Variants in ZNF385B observed in about 807,000 individuals in gnomAD.
The protein encoded by ZNF385B is zinc finger protein 533.
A neutral mutation model predicts 39.2 loss-of-function variants in ZNF385B; 23 were observed. The ratio of observed to expected loss-of-function variants is 0.59; its 90% CI spans 0.42 to 0.83. The LOEUF (loss-of-function observed/expected upper bound fraction) is 0.83, where lower values mean the gene tolerates loss of function less well. Ranked by LOEUF, ZNF385B falls within the 40% of genes least tolerant of loss-of-function variation. ZNF385B has a pLI of 0.00. For missense variants in ZNF385B, 552 were observed against 598.9 expected (o/e 0.92, Z 0.82); for synonymous variants, 205 against 222.6 (o/e 0.92, Z 0.70).
At chr2:179,783,437 C>A (rs545257823) in intron 1 of ZNF385B, among the ~76,000 whole-genome samples, 1 of 152,214 alleles carries the variant, frequency 6.6e-6, no homozygotes, top group South Asian at 2.1e-4. Context: ...GATTTCATGA[C>A]AATGACATCA....
intron 3 of ZNF385B, among the ~76,000 whole-genome samples, chr2:179,687,385 G>C (rs1256689320): frequency 6.6e-6 from 1 of 151,924 alleles, no homozygotes; most frequent in Non-Finnish European, 1.5e-5. Context: ...TGCTATTTCT[G>C]ATTCTCTTCA....
intron 1 of ZNF385B, among the ~76,000 whole-genome samples, chr2:179,798,495 C>G (rs530506149): frequency 1.3e-5 from 2 of 152,174 alleles, no homozygotes; most frequent in South Asian, 4.2e-4. Flanking sequence ...AGTTTTCTAT[C>G]AACCTCATTC....
rs1691438321 is a variant in ZNF385B at position 179,633,505 on chromosome 2, C to A, written c.299-88536G>T. Among the ~76,000 whole-genome samples the A allele has an allele frequency of 2.6e-5, 4 of 152,136 alleles. No homozygotes were observed. In the South Asian group the frequency reaches 8.3e-4, roughly 32 times the overall value. On this transcript the variant is annotated intron_variant, in intron 3 of 9. Transcript: ENST00000410066. ...AGGCCTTCAACAAAATTCAGCAGAC[C>A]TTCATGCTAAAAACTCTCAATAAAT... is the stretch of plus-strand genomic sequence containing the variant.
At position 179,605,250 on chromosome 2, in the gene ZNF385B, T is replaced by C. The variant is rs578152313; in HGVS notation, c.299-60281A>G. On this transcript the variant is annotated intron_variant, in intron 3 of 9. Coordinates refer to ENST00000410066, the MANE Select transcript of ZNF385B (RefSeq NM_152520.6). ...ATTCACTAGAAACATGATTTTTTTT[T>C]CAGTAAGATTTACTTTCTGATTAAA... 7.9e-5 allele frequency among the ~76,000 whole-genome samples: 12 copies of C among 152,282 alleles called. 1 individual carries two copies. In the South Asian group the frequency reaches 2.5e-3, roughly 32 times the overall value.
At chr2:179,800,088 T>C (rs1413880666) in intron 1 of ZNF385B, among the ~76,000 whole-genome samples, 1 of 152,108 alleles carries the variant, frequency 6.6e-6, no homozygotes, top group Non-Finnish European at 1.5e-5. Context: ...CCATCTCTGA[T>C]TATTCAATAT....
rs1020629180 is a variant in ZNF385B at position 179,556,418 on chromosome 2, T to G, written c.299-11449A>C. ...AACCCAATAGTATTAAGCATGATCA[T>G]GCAAAAAAAGGAAATTGAAAGAAGA... On this transcript the variant is annotated intron_variant, in intron 3 of 9. Coordinates refer to ENST00000410066, the MANE Select transcript of ZNF385B (RefSeq NM_152520.6). Among the ~76,000 whole-genome samples, 8 of 149,700 alleles carry G rather than the reference T, an allele frequency of 5.3e-5. No homozygotes were observed. The South Asian group carries it at 1.7e-3, about 32-fold the overall frequency.
At chr2:179,830,255 G>GATACTCT (rs1707911208) in intron 1 of ZNF385B, among the ~76,000 whole-genome samples, 1 of 152,218 alleles carries the variant, frequency 6.6e-6, no homozygotes, top group Non-Finnish European at 1.5e-5. Context: ...TGGAGAAACA[G>GATACTCT]ATACTCTCAT....
Position 179,443,267 on chromosome 2 carries a change from G to C in ZNF385B, c.1444C>G (p.Leu482Val), listed in dbSNP as rs1574142587. Residue 482 changes from leucine to valine, a missense_variant, in exon 10 of 10, where the codon CTC (leucine) becomes GTC (valine). Coordinates refer to ENST00000410066, the MANE Select transcript of ZNF385B (RefSeq NM_152520.6). The part of the protein sequence containing the change: ...GPIRATPASI[L>V]FAPY ...TGCAGACGTTAGTACGGAGCAAAGA[G>C]GATGGAGGCAGGAGTGGCGCGGATG... 1.2e-6 allele frequency: 2 copies of C among 1,612,468 alleles called. No homozygotes were observed. The highest frequency in any genetic ancestry group is 1.7e-6 in the Non-Finnish European group (2 of 1,180,028).
At chr2:179,623,292 T>A (rs2106167098) in intron 3 of ZNF385B, among the ~76,000 whole-genome samples, 1 of 152,118 alleles carries the variant, frequency 6.6e-6, no homozygotes, top group South Asian at 2.1e-4. Context: ...TTAACCTGGA[T>A]TCCCAGAATT....
chr2:179,681,731 T>G (rs1460359762), intron 3 of ZNF385B, among the ~76,000 whole-genome samples: 4 of 152,204 alleles, frequency 2.6e-5, no homozygotes, highest in Non-Finnish European at 5.9e-5. Flanking sequence ...ACTGATCATG[T>G]GTTGGCAGTC....
intron 6 of ZNF385B, among the ~76,000 whole-genome samples, chr2:179,454,669 G>A (rs10190613): frequency 0.048 from 7,244 of 152,198 alleles, 198 homozygotes; most frequent in Middle Eastern, 0.12. Context: ...TGACATTAAT[G>A]ATCCTGACCC....
intron 5 of ZNF385B, among the ~76,000 whole-genome samples, chr2:179,505,725 C>T (rs2057191911): frequency 1.3e-5 from 2 of 152,072 alleles, no homozygotes; most frequent in South Asian, 4.1e-4. Flanking sequence ...AACTAGAATT[C>T]CTATTAATCG....
chr2:179,843,472 T>C (rs1258330166), intron 1 of ZNF385B, among the ~76,000 whole-genome samples: 2 of 152,230 alleles, frequency 1.3e-5, no homozygotes, highest in Non-Finnish European at 2.9e-5. Context: ...TATAGAAGCA[T>C]TACTACACAA....
intron 3 of ZNF385B, among the ~76,000 whole-genome samples, chr2:179,610,514 C>T (rs959270948): frequency 2.0e-5 from 3 of 152,044 alleles, no homozygotes; most frequent in African/African-American, 7.2e-5. Context: ...GCTTCTGTTG[C>T]TCAGGATATC....
chr2:179,693,866 C>T (rs1215628688), intron 3 of ZNF385B, among the ~76,000 whole-genome samples: 1 of 152,072 alleles, frequency 6.6e-6, no homozygotes, highest in Non-Finnish European at 1.5e-5. Flanking sequence ...GGATTTTATA[C>T]CAAAAGACAG....
intron 3 of ZNF385B, among the ~76,000 whole-genome samples, chr2:179,566,246 G>T (rs944771797): frequency 6.6e-6 from 1 of 152,146 alleles, no homozygotes; most frequent in Non-Finnish European, 1.5e-5. Flanking sequence ...CCTAATTTTG[G>T]CTTTAAGTCA....
intron 4 of ZNF385B, among the ~76,000 whole-genome samples, chr2:179,519,057 T>G (rs1421586704): frequency 6.6e-6 from 1 of 152,210 alleles, no homozygotes; most frequent in Non-Finnish European, 1.5e-5. Context: ...CATAGTTCAC[T>G]GCAGCCTCAA....
intron 3 of ZNF385B, among the ~76,000 whole-genome samples, chr2:179,601,408 A>G (rs1349613734): frequency 6.6e-6 from 1 of 152,168 alleles, no homozygotes; most frequent in Non-Finnish European, 1.5e-5. Context: ...GCCTTATGAG[A>G]CTGGGTAACA....
At chr2:179,779,166 A>G (rs1375030203) in intron 1 of ZNF385B, among the ~76,000 whole-genome samples, 1 of 152,238 alleles carries the variant, frequency 6.6e-6, no homozygotes, top group African/African-American at 2.4e-5. Flanking sequence ...CAGTGCTGTA[A>G]CAGGGGTTGC....
Sources: allele counts gnomAD v4.1 joint callset (sites outside exome capture counted in the v4.1 genomes callset), GRCh38; gene constraint gnomAD v4.1.1; transcripts MANE v1.5; gene names NCBI Gene and HGNC (gene_info 2026-07-23, HGNC 2026-07-21).